The following MNAT1 variants were observed in gnomAD, a reference collection of about 807,000 sequenced individuals.
MNAT1 encodes the protein CDK-activating kinase assembly factor MAT1.
Under a neutral mutation model 42.0 loss-of-function variants are expected in MNAT1, and 43 were observed. That is an observed-to-expected ratio of 1.02 (90% confidence interval 0.80 to 1.32). The LOEUF (loss-of-function observed/expected upper bound fraction) is 1.32, where lower values mean the gene tolerates loss of function less well. MNAT1 is among the 40% of genes most tolerant of loss of function. The probability of loss-of-function intolerance (pLI) is 0.00; values close to 1 mark genes in which losing one functional copy is unlikely to be tolerated. For missense variants in MNAT1, 306 were observed against 350.4 expected, an observed-to-expected ratio of 0.87 and a Z score of 1.01; for synonymous variants, 118 against 120.0, an observed-to-expected ratio of 0.98 and a Z score of 0.11.
intron 7 of MNAT1, among the ~76,000 whole-genome samples, chr14:60,909,824 T>C (rs2035306304): frequency 6.6e-6 from 1 of 151,872 alleles, no homozygotes; most frequent in African/African-American, 2.4e-5. Context: ...TTTGGTTCCA[T>C]ATGAACTTTA....
intron 6 of MNAT1, among the ~76,000 whole-genome samples, chr14:60,849,716 T>G (rs2033773069): frequency 6.6e-6 from 1 of 152,330 alleles, no homozygotes; most frequent in Middle Eastern, 3.4e-3. Context: ...GTAGATTCTA[T>G]AATTCTTTTT....
chr14:60,910,520 A>G (rs1382653660), intron 7 of MNAT1, among the ~76,000 whole-genome samples: 1 of 152,192 alleles, frequency 6.6e-6, no homozygotes, highest in East Asian at 1.9e-4. Context: ...ATTTATTGAG[A>G]GTTTTTAAGC....
At chr14:60,763,956 C>T (rs1261134556) in intron 1 of MNAT1, among the ~76,000 whole-genome samples, 4 of 152,170 alleles carry the variant, frequency 2.6e-5, no homozygotes, top group African/African-American at 9.7e-5. Context: ...GATATAGTCA[C>T]ATGGATTTAT....
At chr14:60,851,066 A>G (rs376547498) in intron 6 of MNAT1, among the ~76,000 whole-genome samples, 1 of 152,200 alleles carries the variant, frequency 6.6e-6, no homozygotes, top group Non-Finnish European at 1.5e-5. Flanking sequence ...TTCATACTTT[A>G]TGGGAATTTC....
At chr14:60,830,265 G>A (rs781220016) in intron 6 of MNAT1, among the ~76,000 whole-genome samples, 5 of 152,104 alleles carry the variant, frequency 3.3e-5, no homozygotes, top group Non-Finnish European at 5.9e-5. Context: ...TTTTCAGTCA[G>A]GAATTTTCTT....
At chr14:60,859,135 G>T (rs914563713) in intron 6 of MNAT1, among the ~76,000 whole-genome samples, 7 of 152,136 alleles carry the variant, frequency 4.6e-5, no homozygotes, top group Non-Finnish European at 8.8e-5. Context: ...ATTGAATTTT[G>T]TCCTTGTCAC....
intron 7 of MNAT1, among the ~76,000 whole-genome samples, chr14:60,966,124 A>G (rs561965875): frequency 2.0e-5 from 3 of 151,294 alleles, no homozygotes; most frequent in East Asian, 3.9e-4. Flanking sequence ...TTTAACAACG[A>G]CTATTTTTCT....
intron 7 of MNAT1, chr14:60,880,133 T>C (rs904729108): frequency 3.1e-5 from 6 of 195,172 alleles, no homozygotes; most frequent in African/African-American, 1.4e-4. Flanking sequence ...TTAAAGAAAT[T>C]GGGGCTTAAT....
chr14:60,763,395 C>T (rs1163089752), intron 1 of MNAT1, among the ~76,000 whole-genome samples: 2 of 152,010 alleles, frequency 1.3e-5, no homozygotes, highest in Non-Finnish European at 2.9e-5. Context: ...GAATCATATG[C>T]TCTTTATGCT....
At chr14:60,949,742 C>T (rs2036346971) in intron 7 of MNAT1, among the ~76,000 whole-genome samples, 1 of 152,022 alleles carries the variant, frequency 6.6e-6, no homozygotes, top group Admixed American at 6.5e-5. Flanking sequence ...ATTTTTGGTA[C>T]CATTGATTGC....
At chr14:60,844,836 T>C (rs143482006) in intron 6 of MNAT1, among the ~76,000 whole-genome samples, 222 of 152,190 alleles carry the variant, frequency 1.5e-3, no homozygotes, top group African/African-American at 4.9e-3. Flanking sequence ...TGAAAAGTTA[T>C]GAGTAGATGT....
intron 7 of MNAT1, among the ~76,000 whole-genome samples, chr14:60,887,716 A>G (rs1454230588): frequency 1.3e-5 from 2 of 152,206 alleles, no homozygotes; most frequent in Middle Eastern, 3.4e-3. Flanking sequence ...CTAATAAAGA[A>G]CAAAAGAGAG....
chr14:60,871,810 A>T (rs780681058), intron 6 of MNAT1, among the ~76,000 whole-genome samples: 2 of 151,834 alleles, frequency 1.3e-5, no homozygotes, highest in Non-Finnish European at 2.9e-5. Context: ...TTTAGTAGAG[A>T]TGGGGTTTCA....
intron 7 of MNAT1, among the ~76,000 whole-genome samples, chr14:60,890,156 G>A (rs1027743445): frequency 2.6e-5 from 4 of 152,168 alleles, no homozygotes; most frequent in Non-Finnish European, 1.5e-5. Context: ...GCACACATAT[G>A]TTTATTGCGG....
At chr14:60,744,906 A>G (rs193165760) in intron 1 of MNAT1, among the ~76,000 whole-genome samples, 13 of 152,270 alleles carry the variant, frequency 8.5e-5, no homozygotes, top group African/African-American at 2.6e-4. Context: ...AGGTATACCC[A>G]GTACTCCTCA....
chr14:60,881,404 C>G (rs950450761), intron 7 of MNAT1, among the ~76,000 whole-genome samples: 2 of 151,968 alleles, frequency 1.3e-5, no homozygotes, highest in African/African-American at 4.8e-5. Flanking sequence ...AGGCTGGTCT[C>G]GAACTCCTGG....
chr14:60,913,432 T>C (rs938010654), intron 7 of MNAT1, among the ~76,000 whole-genome samples: 1 of 152,204 alleles, frequency 6.6e-6, no homozygotes, highest in African/African-American at 2.4e-5. Context: ...GTTTTTCTGC[T>C]CTGTGTTTTC....
rs1326242245 is a variant in MNAT1 at position 60,818,707 on chromosome 14, G to T, written c.562-15G>T. On this transcript the variant is annotated splice_polypyrimidine_tract_variant and intron_variant, in intron 5 of 7. Coordinates refer to ENST00000261245, the MANE Select transcript of MNAT1 (RefSeq NM_002431.4). ...CCTTTTTACATTTCTTATTGAACTTGAACTATTCTTACAGGAGAGTTCTGA... is the reference window on the plus strand; with the variant it reads ...CCTTTTTACATTTCTTATTGAACTTTAACTATTCTTACAGGAGAGTTCTGA... The T allele has an allele frequency of 3.2e-6, 5 of 1,554,044 alleles. No homozygotes were observed. The highest frequency in any genetic ancestry group is 3.8e-5 in the Admixed American group (2 of 52,362).
intron 7 of MNAT1, among the ~76,000 whole-genome samples, chr14:60,920,579 A>G (rs992974860): frequency 6.6e-6 from 1 of 151,916 alleles, no homozygotes; most frequent in Non-Finnish European, 1.5e-5. Context: ...ACCTGTAATC[A>G]TTACAGGCCC....
Sources: gnomAD v4.1 joint callset for allele counts (sites outside exome capture counted in the v4.1 genomes callset) on GRCh38, gnomAD v4.1.1 for gene constraint, MANE v1.5 for transcripts, NCBI Gene and HGNC (gene_info 2026-07-23, HGNC 2026-07-21) for gene names.